Variants in FERRY3 observed in about 807,000 individuals in gnomAD.
FERRY3 encodes protein C12orf4.
At chr12:4,522,174 AG>A in the FERRY3 span, among the ~76,000 whole-genome samples, 7 of 152,220 alleles carry the variant, frequency 4.6e-5, no homozygotes, top group Admixed American at 2.0e-4. Flanking sequence ...GGTAAATCTT[AG>A]TACCTTCCTC....
the FERRY3 span, among the ~76,000 whole-genome samples, chr12:4,503,421 T>G: frequency 6.6e-6 from 1 of 152,184 alleles, no homozygotes; most frequent in Non-Finnish European, 1.5e-5. Flanking sequence ...ATTATGAGAA[T>G]TAGATGACAT....
At chr12:4,519,173 T>C in the FERRY3 span, among the ~76,000 whole-genome samples, 1 of 152,228 alleles carries the variant, frequency 6.6e-6, no homozygotes, top group Non-Finnish European at 1.5e-5. This position sits in a 1 kb window ranked among gnomAD's most constrained non-coding sequence, Gnocchi z 4.3. Flanking sequence ...AATGATTAAA[T>C]GAAGCGATTA....
the FERRY3 span, among the ~76,000 whole-genome samples, chr12:4,510,958 A>T: frequency 6.6e-6 from 1 of 152,158 alleles, no homozygotes; most frequent in Non-Finnish European, 1.5e-5. Flanking sequence ...TTGGATAAAG[A>T]GTCAAGACCC....
chr12:4,505,651 C>A, the FERRY3 span, among the ~76,000 whole-genome samples: 3 of 152,188 alleles, frequency 2.0e-5, no homozygotes, highest in South Asian at 6.2e-4. Context: ...ACCAAGCATG[C>A]ACAGATAAGT....
At chr12:4,513,088 ACAC>A in the FERRY3 span, among the ~76,000 whole-genome samples, 1 of 53,896 alleles carries the variant, frequency 1.9e-5, no homozygotes, top group Admixed American at 2.2e-4. Context: ...GCATTCTTAT[ACAC>A]CAACAACAGA....
chr12:4,520,013 G>A, the FERRY3 span, among the ~76,000 whole-genome samples: 8 of 152,296 alleles, frequency 5.3e-5, no homozygotes, highest in African/African-American at 1.2e-4. Flanking sequence ...ATTCCAAACC[G>A]TGACATATAC....
chr12:4,496,193 G>A, the FERRY3 span, among the ~76,000 whole-genome samples: 1 of 152,202 alleles, frequency 6.6e-6, no homozygotes, highest in Non-Finnish European at 1.5e-5. Flanking sequence ...TTTTGTCTCT[G>A]ATTAAAACCA....
At chr12:4,517,710 C>CAGAGAG in the FERRY3 span, among the ~76,000 whole-genome samples, 44 of 132,300 alleles carry the variant, frequency 3.3e-4, no homozygotes, top group South Asian at 4.9e-4. Flanking sequence ...TATATATAGA[C>CAGAGAG]AGAGAGAGAG....
At chr12:4,535,891 A>T in the FERRY3 span, 1 of 653,500 alleles carries the variant, frequency 1.5e-6, no homozygotes, top group Admixed American at 4.1e-5. This position sits in a 1 kb window ranked among gnomAD's most constrained non-coding sequence, Gnocchi z 4.0. Context: ...TTATTCTTGG[A>T]ATCAGTTCCT....
At chr12:4,495,081 A>G in the FERRY3 span, among the ~76,000 whole-genome samples, 1 of 152,178 alleles carries the variant, frequency 6.6e-6, no homozygotes, top group Admixed American at 6.5e-5. Flanking sequence ...TAAACACAGT[A>G]ATCAACTATT....
At chr12:4,509,792 TG>T in the FERRY3 span, among the ~76,000 whole-genome samples, 1 of 138,264 alleles carries the variant, frequency 7.2e-6, no homozygotes, top group Admixed American at 6.8e-5. Flanking sequence ...ACCACAAAGA[TG>T]GGGAAAAAAC....
chr12:4,514,625 C>A, the FERRY3 span, among the ~76,000 whole-genome samples: 1 of 151,020 alleles, frequency 6.6e-6, no homozygotes, highest in African/African-American at 2.4e-5. Context: ...AATCATCATT[C>A]TCAGTAAACT....
the FERRY3 span, among the ~76,000 whole-genome samples, chr12:4,500,541 G>T: frequency 6.6e-6 from 1 of 151,676 alleles, no homozygotes; most frequent in Non-Finnish European, 1.5e-5. Context: ...AGAGACAATA[G>T]CCAATTATGC....
the FERRY3 span, chr12:4,509,422 T>G: frequency 4.5e-4 from 68 of 151,694 alleles, no homozygotes; most frequent in African/African-American, 1.7e-3. Flanking sequence ...TGCCTGCCTC[T>G]GTAGGCTCCA....
chr12:4,497,956 C>T, the FERRY3 span, among the ~76,000 whole-genome samples: 1 of 152,168 alleles, frequency 6.6e-6, no homozygotes, highest in African/African-American at 2.4e-5. Context: ...ACCTCTATAT[C>T]CTGTGTAGTG....
the FERRY3 span, chr12:4,525,432 AAAAC>A: frequency 3.1e-6 from 5 of 1,600,858 alleles, no homozygotes; most frequent in South Asian, 4.5e-5. Context: ...AACAAACAAA[AAAAC>A]AAAAGAAAAT....
chr12:4,498,817 G>A, the FERRY3 span, among the ~76,000 whole-genome samples: 1 of 152,096 alleles, frequency 6.6e-6, no homozygotes, highest in African/African-American at 2.4e-5. Flanking sequence ...TTCTCAAAAG[G>A]AGCACGCAAC....
At chr12:4,534,072 G>A in the FERRY3 span, 11 of 1,380,376 alleles carry the variant, frequency 8.0e-6, no homozygotes, top group East Asian at 9.6e-5. Flanking sequence ...ATCTTATAAC[G>A]ATTTCAGGAT....
At chr12:4,517,684 A>AATATAT in the FERRY3 span, among the ~76,000 whole-genome samples, 1,817 of 140,436 alleles carry the variant, frequency 0.013, 43 homozygotes, top group African/African-American at 0.045. Flanking sequence ...AGGTTATTAA[A>AATATAT]ATATATATAT....
Sources: allele counts gnomAD v4.1 joint callset (sites outside exome capture counted in the v4.1 genomes callset), GRCh38; gene constraint gnomAD v4.1.1; non-coding constraint Gnocchi (gnomAD v3.1); transcripts MANE v1.5; gene names NCBI Gene and HGNC (gene_info 2026-07-23, HGNC 2026-07-21).